Variants in GAK observed in about 807,000 individuals in gnomAD.
GAK encodes the protein cyclin-G-associated kinase.
GAK carries 79 observed loss-of-function variants against 143.9 expected under a neutral mutation model. The ratio of observed to expected loss-of-function variants is 0.55; its 90% CI spans 0.46 to 0.66. The LOEUF (loss-of-function observed/expected upper bound fraction) is 0.66, where lower values mean the gene tolerates loss of function less well. Among genes scored for constraint, GAK ranks in the 30% least tolerant of loss-of-function variants. GAK has a pLI of 0.00. For missense variants in GAK, 1,693 were observed against 1,779.7 expected, an observed-to-expected ratio of 0.95 and a Z score of 0.88; for synonymous variants, 881 against 765.5, an observed-to-expected ratio of 1.15 and a Z score of -2.49.
chr4:877,922 GT>G, intron 15 of GAK, 113 bp from the exon 16 acceptor site: 2 of 840,962 alleles, frequency 2.4e-6, no homozygotes, highest in Non-Finnish European at 3.6e-6. Context: ...TTGTAGCAAT[GT>G]TTTAGTTGCT....
At chr4:910,050 T>G (rs535373423) in intron 4 of GAK, among the ~76,000 whole-genome samples, 67 of 151,922 alleles carry the variant, frequency 4.4e-4, no homozygotes, top group African/African-American at 1.4e-3. Flanking sequence ...CTGCCAGGTG[T>G]GGCATCAAGG....
Position 898,023 on chromosome 4 carries a change from C to G in GAK, c.651+10G>C, listed in dbSNP as rs756256813. On this transcript the variant is annotated intron_variant, in intron 6 of 27. Coordinates refer to ENST00000314167, the MANE Select transcript of GAK (RefSeq NM_005255.4). ...CCAGCTTCCCCCAGCATAGGCCCCA[C>G]TCAGCTCACCTCTTCCTCCACCAGG... 3.2e-5 allele frequency: 52 copies of G among 1,609,746 alleles called. 2 individuals are homozygous for G. In the South Asian group the frequency reaches 3.5e-4, roughly 11 times the overall value.
intron 13 of GAK, among the ~76,000 whole-genome samples, 192 bp from the exon 14 acceptor site, chr4:883,011 G>A (rs370192087): frequency 1.3e-4 from 20 of 152,372 alleles, no homozygotes; most frequent in African/African-American, 3.1e-4. Flanking sequence ...AGCTGTTCCT[G>A]GGCTTTGGGT....
At chr4:913,856 AC>A in intron 1 of GAK, 188 bp from the exon 2 acceptor site, 1 of 512,988 alleles carries the variant, frequency 1.9e-6, no homozygotes, top group Non-Finnish European at 3.5e-6. Flanking sequence ...CCCCACACAC[AC>A]AGCCCCAGCG....
intron 12 of GAK, 48 bp downstream of exon 12, chr4:883,989 A>T: frequency 6.4e-7 from 1 of 1,560,314 alleles, no homozygotes; most frequent in Non-Finnish European, 8.8e-7. Context: ...CACTGGGCAC[A>T]CAGGGAAGGG....
At chr4:864,121 G>A (rs1293812100) in intron 23 of GAK, among the ~76,000 whole-genome samples, 3 of 152,232 alleles carry the variant, frequency 2.0e-5, no homozygotes, top group Admixed American at 6.5e-5. Flanking sequence ...CACCCTGAGA[G>A]GCTGAGGTGC....
At chr4:859,423 A>G in intron 24 of GAK, 183 bp downstream of exon 24, 1 of 1,558,236 alleles carries the variant, frequency 6.4e-7, no homozygotes, top group Non-Finnish European at 8.6e-7. Flanking sequence ...TTAGCTTGCC[A>G]GTTGGCAGTC....
rs577551871 is a variant in GAK, at chr4:870,529, C to G, written c.2248+182G>C. 2.0e-5 allele frequency among the ~76,000 whole-genome samples: 3 copies of G among 152,308 alleles called. No homozygotes were observed. In the South Asian group the frequency reaches 6.2e-4, roughly 32 times the overall value. ...GCCTGCGAGTCCTTCTCTGGTGTAG[C>G]TGGTGGTGGTGTCCAACATCCACGA... On this transcript the variant is annotated intron_variant, in intron 19 of 27. Coordinates refer to ENST00000314167, the MANE Select transcript of GAK (RefSeq NM_005255.4).
chr4:912,034 C>T (rs1722131462), intron 3 of GAK: 1 of 501,178 alleles, frequency 2.0e-6, no homozygotes, highest in African/African-American at 1.9e-5. Context: ...ACACACCTGA[C>T]CACAGCGACA....
intron 1 of GAK, among the ~76,000 whole-genome samples, chr4:920,307 CA>C (rs527953136): frequency 7.9e-4 from 94 of 119,650 alleles, no homozygotes; most frequent in African/African-American, 1.4e-3. Flanking sequence ...AAGTCCATCT[CA>C]AAAAAAAAAA....
chr4:876,968 C>T (rs1378120102), intron 17 of GAK, 122 bp downstream of exon 17: 15 of 674,438 alleles, frequency 2.2e-5, no homozygotes, highest in Non-Finnish European at 3.4e-5. Flanking sequence ...TGAGAGCCCA[C>T]GGCACTCACC....
chr4:874,179 G>A (rs1321352909), intron 18 of GAK, among the ~76,000 whole-genome samples: 1 of 151,870 alleles, frequency 6.6e-6, no homozygotes, highest in African/African-American at 2.4e-5. Context: ...GTGTGTTGGT[G>A]CTCCTGCTGT....
chr4:894,034 C>T lies in GAK; in HGVS notation c.742-25G>A, dbSNP rs370260793. ...CCTGCGGGGAGAGCAGGGGTGATGC[C>T]TAGGCCCACGGGGAGCGCAGGGGTG... is the stretch of plus-strand genomic sequence containing the variant. On this transcript the variant is annotated intron_variant, in intron 7 of 27. Coordinates refer to ENST00000314167, the MANE Select transcript of GAK (RefSeq NM_005255.4). 2.7e-5 allele frequency: 42 copies of T among 1,567,770 alleles called. No homozygotes were observed. The African/African-American group carries it at 5.4e-4, about 20-fold the overall frequency.
At chr4:917,492 A>G (rs1345569604) in intron 1 of GAK, among the ~76,000 whole-genome samples, 1 of 152,252 alleles carries the variant, frequency 6.6e-6, no homozygotes, top group Non-Finnish European at 1.5e-5. Context: ...ACACAAATGG[A>G]TCTATAGTAA....
At chr4:895,552 C>T (rs1718606161) in intron 7 of GAK, among the ~76,000 whole-genome samples, 1 of 152,256 alleles carries the variant, frequency 6.6e-6, no homozygotes, top group African/African-American at 2.4e-5. Context: ...CACGTGCTGT[C>T]TCAGCCTTCA....
Position 858,731 on chromosome 4 carries a change from G to T in GAK, c.3283+875C>A, listed in dbSNP as rs560944259. The stretch of plus-strand genomic sequence containing the variant: ...AGAGCAGAGTGAGGACTCAAAGCCA[G>T]CCCGGGAGAGAGTGAGGACTCGAAG... On this transcript the variant is annotated intron_variant, in intron 24 of 27. Transcript: ENST00000314167. Among the ~76,000 whole-genome samples the T allele has an allele frequency of 5.1e-4, 78 of 152,306 alleles. No homozygotes were observed. The South Asian group carries it at 0.015, about 29-fold the overall frequency.
intron 15 of GAK, among the ~76,000 whole-genome samples, chr4:878,558 C>G (rs1714461979): frequency 6.6e-6 from 1 of 152,204 alleles, no homozygotes; most frequent in African/African-American, 2.4e-5. Flanking sequence ...TGTCAGCCTT[C>G]ATGGGTTGGC....
intron 5 of GAK, among the ~76,000 whole-genome samples, chr4:898,816 T>TTGCGCCGC (rs1719307722): frequency 1.3e-5 from 2 of 151,920 alleles, no homozygotes; most frequent in South Asian, 4.2e-4. Flanking sequence ...TGAACCGAGA[T>TTGCGCCGC]TGCGCCGCTG....
intron 3 of GAK, 148 bp from the exon 4 acceptor site, chr4:911,935 G>C: frequency 1.6e-6 from 1 of 620,778 alleles, no homozygotes; most frequent in South Asian, 1.7e-5. Flanking sequence ...GAAGATGAGG[G>C]AGAGAGCAGT....
Sources: gnomAD v4.1 joint callset for allele counts (sites outside exome capture counted in the v4.1 genomes callset) on GRCh38, gnomAD v4.1.1 for gene constraint, MANE v1.5 for transcripts, NCBI Gene and HGNC (gene_info 2026-07-23, HGNC 2026-07-21) for gene names.